The following NLGN1 variants were observed in gnomAD, a reference collection of about 807,000 sequenced individuals.
NLGN1 encodes the protein neuroligin 1.
NLGN1 carries 12 observed loss-of-function variants against 65.5 expected under a neutral mutation model. The observed-to-expected ratio is 0.18, with a 90% confidence interval of 0.12 to 0.30. The LOEUF (loss-of-function observed/expected upper bound fraction) is 0.30, where lower values mean the gene tolerates loss of function less well. Among genes scored for constraint, NLGN1 ranks in the 10% least tolerant of loss-of-function variants. The pLI is 1.00. For synonymous variants in NLGN1, 350 were observed against 359.5 expected, an observed-to-expected ratio of 0.97 and a Z score of 0.30; for missense variants, 750 against 1,007.1, an observed-to-expected ratio of 0.74 and a Z score of 3.46.
At chr3:174,055,401 G>A (rs1241728454) in intron 4 of NLGN1, among the ~76,000 whole-genome samples, 1 of 151,906 alleles carries the variant, frequency 6.6e-6, no homozygotes. Flanking sequence ...ACATATTTTA[G>A]GCTGCAGAAA....
At chr3:173,876,578 G>T (rs1732146748) in intron 4 of NLGN1, among the ~76,000 whole-genome samples, 1 of 152,068 alleles carries the variant, frequency 6.6e-6, no homozygotes, top group African/African-American at 2.4e-5. Context: ...GCTATTCTAT[G>T]ATTCCAGAGC....
chr3:173,797,860 T>G (rs1023201010), intron 3 of NLGN1, among the ~76,000 whole-genome samples: 10 of 152,086 alleles, frequency 6.6e-5, no homozygotes, highest in African/African-American at 2.4e-4. Flanking sequence ...GATGATGTTT[T>G]GACAACAATT....
chr3:173,628,330 A>G (rs1337483492), intron 3 of NLGN1, among the ~76,000 whole-genome samples: 1 of 152,094 alleles, frequency 6.6e-6, no homozygotes, highest in African/African-American at 2.4e-5. Context: ...TTCTTCGTTT[A>G]CTACTGACTT....
At chr3:174,011,439 A>C (rs1304133770) in intron 4 of NLGN1, among the ~76,000 whole-genome samples, 1 of 152,208 alleles carries the variant, frequency 6.6e-6, no homozygotes, top group Non-Finnish European at 1.5e-5. Context: ...AGAGAAAAAG[A>C]AAAGTATCTA....
chr3:173,797,133 A>G (rs1336799511), intron 3 of NLGN1, among the ~76,000 whole-genome samples: 2 of 152,096 alleles, frequency 1.3e-5, no homozygotes, highest in East Asian at 1.9e-4. Context: ...ATCCAGAAGC[A>G]TATGTTTACT....
At chr3:173,471,525 G>A (rs1029283443) in intron 2 of NLGN1, among the ~76,000 whole-genome samples, 1 of 152,038 alleles carries the variant, frequency 6.6e-6, no homozygotes, top group Non-Finnish European at 1.5e-5. Flanking sequence ...GCCATATTGG[G>A]TTAGGGGCCC....
At chr3:174,106,967 A>G (rs372197337) in intron 4 of NLGN1, among the ~76,000 whole-genome samples, 142 of 143,002 alleles carry the variant, frequency 9.9e-4, no homozygotes, top group Admixed American at 1.7e-3. Flanking sequence ...TCAAATGACA[A>G]TCTCTTCAAG....
chr3:173,504,035 T>C (rs895454688), intron 2 of NLGN1, among the ~76,000 whole-genome samples: 2 of 152,140 alleles, frequency 1.3e-5, no homozygotes, highest in Non-Finnish European at 1.5e-5. Context: ...AGGAGGTTTA[T>C]AATGGCACAT....
chr3:173,687,749 G>A (rs997110474), intron 3 of NLGN1, among the ~76,000 whole-genome samples: 1 of 152,198 alleles, frequency 6.6e-6, no homozygotes, highest in African/African-American at 2.4e-5. Flanking sequence ...TGTGTCAGAT[G>A]TAGGATAATT....
intron 3 of NLGN1, among the ~76,000 whole-genome samples, chr3:173,654,136 G>A (rs943204063): frequency 9.2e-5 from 14 of 152,152 alleles, no homozygotes; most frequent in Non-Finnish European, 1.8e-4. Flanking sequence ...AAAGATTACT[G>A]TTGTTATAAG....
chr3:174,002,906 C>A (rs889568613), intron 4 of NLGN1, among the ~76,000 whole-genome samples: 1 of 152,160 alleles, frequency 6.6e-6, no homozygotes, highest in Non-Finnish European at 1.5e-5. Context: ...TAAGCTAGGT[C>A]AGGATAAAGT....
At position 174,279,036 on chromosome 3, in the gene NLGN1, A is replaced by AGAT; in HGVS notation, c.1036_1038dup (p.Asp346dup). On this transcript the variant is annotated inframe_insertion, in exon 6 of 7. Coordinates refer to ENST00000457714, the Ensembl canonical transcript of NLGN1. The surrounding 1 kb of genome is among the most constrained non-coding windows in gnomAD (Gnocchi z 4.7). ...AGCCTTACAAAGAACTTGTTGACCAAGATATTCAACCAGCTCGATACCACA... is the reference window on the plus strand; with the variant it reads ...AGCCTTACAAAGAACTTGTTGACCAAGATGATATTCAACCAGCTCGATACCACA... The AGAT allele has an allele frequency of 6.2e-7, 1 of 1,608,284 alleles. No individual in the cohort carries two copies. The highest frequency in any genetic ancestry group is 8.5e-7 in the Non-Finnish European group (1 of 1,177,460).
chr3:173,398,620 C>A (rs1445687793), intron 1 of NLGN1: 1 of 152,140 alleles, frequency 6.6e-6, no homozygotes, highest in Non-Finnish European at 1.5e-5. Context: ...ATATTTGATT[C>A]ATTTGTGATA....
chr3:174,111,586 A>T (rs1341088173), intron 4 of NLGN1, among the ~76,000 whole-genome samples: 2 of 151,974 alleles, frequency 1.3e-5, no homozygotes, highest in Non-Finnish European at 2.9e-5. Context: ...TGGTAAAGTT[A>T]AAAGTTATAA....
intron 4 of NLGN1, among the ~76,000 whole-genome samples, chr3:174,062,293 A>G (rs1196852484): frequency 1.3e-5 from 2 of 152,096 alleles, no homozygotes; most frequent in African/African-American, 2.4e-5. Context: ...ATTATCAAGT[A>G]TTTTGGTATT....
chr3:173,747,053 T>A (rs894501291), intron 3 of NLGN1, among the ~76,000 whole-genome samples: 2 of 69,154 alleles, frequency 2.9e-5, no homozygotes, highest in African/African-American at 1.3e-4. Flanking sequence ...AAGAAAAAAT[T>A]ATATATACAC....
At chr3:174,100,892 C>G (rs1402015131) in intron 4 of NLGN1, among the ~76,000 whole-genome samples, 1 of 151,888 alleles carries the variant, frequency 6.6e-6, no homozygotes. Flanking sequence ...CCCTTTCACT[C>G]ACAATGGGGT....
intron 4 of NLGN1, among the ~76,000 whole-genome samples, chr3:174,107,175 C>T (rs368969777): frequency 5.5e-4 from 83 of 152,154 alleles, no homozygotes; most frequent in African/African-American, 2.0e-3. Flanking sequence ...AACTATACTA[C>T]AGCATCACAG....
At chr3:173,804,088 C>T (rs753842921) in intron 3 of NLGN1, among the ~76,000 whole-genome samples, 8 of 151,980 alleles carry the variant, frequency 5.3e-5, no homozygotes, top group Non-Finnish European at 1.2e-4. Flanking sequence ...GCTACATTGG[C>T]TTAAAATTTT....
Sources: allele counts gnomAD v4.1 joint callset (sites outside exome capture counted in the v4.1 genomes callset), GRCh38; gene constraint gnomAD v4.1.1; non-coding constraint Gnocchi (gnomAD v3.1); transcripts MANE v1.5; gene names NCBI Gene and HGNC (gene_info 2026-07-23, HGNC 2026-07-21).